Variants in LMBR1 observed in about 807,000 individuals in gnomAD.
The protein encoded by LMBR1 is limb region 1 protein homolog.
LMBR1 carries 52 observed loss-of-function variants against 73.9 expected under a neutral mutation model. The ratio of observed to expected loss-of-function variants is 0.70; its 90% CI spans 0.56 to 0.89. The LOEUF is 0.89. Ranked by LOEUF, LMBR1 falls within the 40% of genes least tolerant of loss-of-function variation. The pLI, the probability that LMBR1 is intolerant of heterozygous loss-of-function variation, is 0.00. For missense variants in LMBR1, 539 were observed against 579.8 expected (o/e 0.93, Z 0.72); for synonymous variants, 215 against 209.4 (o/e 1.03, Z -0.23).
At chr7:156,827,750 C>T (rs555017983) in intron 3 of LMBR1, among the ~76,000 whole-genome samples, 2 of 152,110 alleles carry the variant, frequency 1.3e-5, no homozygotes, top group African/African-American at 4.8e-5. Context: ...CCCAAAAACA[C>T]ATCTAACAGA....
intron 4 of LMBR1, among the ~76,000 whole-genome samples, chr7:156,805,226 T>TC (rs1831808683): frequency 6.6e-6 from 1 of 150,848 alleles, no homozygotes; most frequent in Non-Finnish European, 1.5e-5. Flanking sequence ...TTTTTTTTTT[T>TC]TTTTTTTTTG....
chr7:156,811,351 C>A (rs150390495), intron 4 of LMBR1, among the ~76,000 whole-genome samples: 1 of 152,010 alleles, frequency 6.6e-6, no homozygotes, highest in Non-Finnish European at 1.5e-5. Context: ...GTGGCTCACG[C>A]CTGTAATCCC....
intron 15 of LMBR1, among the ~76,000 whole-genome samples, chr7:156,706,621 A>G (rs192359992): frequency 6.6e-6 from 1 of 152,318 alleles, no homozygotes; most frequent in African/African-American, 2.4e-5. Context: ...CATGCCTCTG[A>G]ATGACCATTG....
At chr7:156,760,893 T>C (rs1434481225) in intron 8 of LMBR1, among the ~76,000 whole-genome samples, 1 of 152,206 alleles carries the variant, frequency 6.6e-6, no homozygotes, top group Non-Finnish European at 1.5e-5. Flanking sequence ...TTAATAAGTA[T>C]TACTAGTGAG....
At chr7:156,748,918 T>C (rs1274608461) in intron 9 of LMBR1, among the ~76,000 whole-genome samples, 1 of 152,234 alleles carries the variant, frequency 6.6e-6, no homozygotes, top group African/African-American at 2.4e-5. Flanking sequence ...AGCATATATC[T>C]CTGGCAGTCA....
chr7:156,734,589 C>A (rs1422561883), intron 9 of LMBR1, among the ~76,000 whole-genome samples: 1 of 152,116 alleles, frequency 6.6e-6, no homozygotes, highest in East Asian at 1.9e-4. Flanking sequence ...TCAGATCACA[C>A]CACTATACAT....
chr7:156,782,859 A>G (rs996670110), intron 5 of LMBR1, among the ~76,000 whole-genome samples: 3 of 152,094 alleles, frequency 2.0e-5, no homozygotes, highest in Non-Finnish European at 4.4e-5. Flanking sequence ...TGTAGTTTTG[A>G]TCTGCATTTC....
intron 15 of LMBR1, among the ~76,000 whole-genome samples, chr7:156,717,532 G>A (rs888719006): frequency 6.6e-6 from 1 of 152,080 alleles, no homozygotes. Context: ...CAGAAATGAA[G>A]ACAGACAAGA....
intron 3 of LMBR1, among the ~76,000 whole-genome samples, chr7:156,832,840 G>A (rs1395285775): frequency 6.6e-6 from 1 of 152,148 alleles, no homozygotes; most frequent in Non-Finnish European, 1.5e-5. Flanking sequence ...GGTCAGGAAA[G>A]TCAAGGAAAT....
Position 156,728,656 on chromosome 7 carries a change from A to G in LMBR1, c.903T>C (p.Leu301=), listed in dbSNP as rs776667371. Residue 301 remains leucine, a synonymous_variant, in exon 11 of 17, where the codon CTT becomes CTC. Transcript: ENST00000353442. ...NLVYPAVMVL[L]LIETSISVLL... is the part of the protein sequence containing the mutation. ...AATAAATTCTTACTGTCTCAATAAG[A>G]AGGAGAACCATAACAGCGGGATACA... 6.3e-7 allele frequency: 1 copy of G among 1,597,688 alleles called. No individual in the cohort carries two copies. Among genetic ancestry groups the G allele is most frequent in the South Asian group, 1.2e-5 (1 of 86,644 alleles).
chr7:156,834,615 G>GTA lies in LMBR1; in HGVS notation c.140-825_140-824dup, dbSNP rs750213973. On this transcript the variant is annotated intron_variant, in intron 2 of 16. Transcript: ENST00000353442. ...GAGATCCTATCTCAAAAAAAAAATTGTATATATATATTTAGAAATAAAAAT... is the reference window on the plus strand; with the variant it reads ...GAGATCCTATCTCAAAAAAAAAATTGTATATATATATATTTAGAAATAAAAAT... 1.3e-4 allele frequency: 26 copies of GTA among 207,010 alleles called. No individual in the cohort carries two copies. In the East Asian group the frequency reaches 1.9e-3, roughly 15 times the overall value. The allele number at this position is 207,010 out of a possible 1,614,324, so 12.8% of individuals were successfully genotyped here. A position where few individuals can be genotyped will look rare whatever the true frequency, so the allele number is the denominator to read the frequency against.
intron 9 of LMBR1, among the ~76,000 whole-genome samples, chr7:156,754,290 T>C (rs1470243986): frequency 1.3e-5 from 2 of 152,248 alleles, no homozygotes; most frequent in Admixed American, 1.3e-4. Context: ...ATACTGATTA[T>C]TTTTAAAACC....
In LMBR1 at chr7:156,826,663, G is replaced by T. The variant is rs772709122; in HGVS notation, c.261C>A (p.Ile87=). 13 of 1,606,792 alleles carry T rather than the reference G, an allele frequency of 8.1e-6. No homozygotes were observed. Among genetic ancestry groups the T allele is most frequent in the Non-Finnish European group, 1.1e-5 (13 of 1,176,094 alleles). ...AGTAGTTCTGAGGAAAAGAAAGCAG[G>T]ATTTCATTGCTGATGATTGAGAAGG... ...LLPFSIISNE[I]LLSFPQNYYI... Residue 87 remains isoleucine, a synonymous_variant, in exon 4 of 17, where the codon ATC becomes ATA. Transcript: ENST00000353442.
At chr7:156,735,752 GCTTT>G (rs1014638852) in intron 9 of LMBR1, among the ~76,000 whole-genome samples, 4 of 151,582 alleles carry the variant, frequency 2.6e-5, no homozygotes, top group Non-Finnish European at 4.4e-5. Context: ...TTTAAGTTCT[GCTTT>G]CTTTTTGTTT....
At chr7:156,712,460 C>A (rs1427139826) in intron 15 of LMBR1, among the ~76,000 whole-genome samples, 1 of 152,162 alleles carries the variant, frequency 6.6e-6, no homozygotes, top group Non-Finnish European at 1.5e-5. Context: ...ATGGAGATTT[C>A]TCAAAGAACT....
chr7:156,865,827 G>A (rs1371804094), intron 1 of LMBR1, among the ~76,000 whole-genome samples: 4 of 152,114 alleles, frequency 2.6e-5, no homozygotes, highest in Non-Finnish European at 4.4e-5. Context: ...ATTCAGTTGG[G>A]GGTATGGGGG....
intron 10 of LMBR1, among the ~76,000 whole-genome samples, chr7:156,730,908 C>G (rs994668565): frequency 4.6e-5 from 7 of 151,804 alleles, no homozygotes; most frequent in African/African-American, 1.5e-4. Context: ...TGCACTCCAG[C>G]CTGGGCAACA....
intron 3 of LMBR1, 145 bp from the exon 4 acceptor site, chr7:156,826,889 A>C: frequency 1.4e-6 from 1 of 708,662 alleles, no homozygotes; most frequent in Non-Finnish European, 2.2e-6. Flanking sequence ...TTGGGAGACA[A>C]ATGATATACA....
chr7:156,793,045 T>C (rs902868976), intron 5 of LMBR1, among the ~76,000 whole-genome samples: 3 of 152,228 alleles, frequency 2.0e-5, no homozygotes, highest in African/African-American at 7.2e-5. Flanking sequence ...ACTATATGTG[T>C]CAAATGTAAT....
Sources: allele counts gnomAD v4.1 joint callset (sites outside exome capture counted in the v4.1 genomes callset), GRCh38; gene constraint gnomAD v4.1.1; transcripts MANE v1.5; gene names NCBI Gene and HGNC (gene_info 2026-07-23, HGNC 2026-07-21).